The following CTPS1 variants were observed in gnomAD, a reference collection of about 807,000 sequenced individuals.
CTPS1 encodes CTP synthase 1, also known as CTP synthetase 1.
In CTPS1, 25 loss-of-function variants were observed where a neutral mutation model predicts 80.5. The observed-to-expected ratio is 0.31, with a 90% confidence interval of 0.23 to 0.43. The LOEUF (loss-of-function observed/expected upper bound fraction) is 0.43. CTPS1 is among the 20% of genes least tolerant of loss of function. The probability of loss-of-function intolerance (pLI) is 1.00; values close to 1 mark genes in which losing one functional copy is unlikely to be tolerated. For synonymous variants in CTPS1, 267 were observed against 252.5 expected, an observed-to-expected ratio of 1.06 and a Z score of -0.54; for missense variants, 442 against 725.7, an observed-to-expected ratio of 0.61 and a Z score of 4.49.
chr1:40,987,593 A>G (rs1043977933), intron 4 of CTPS1, 121 bp downstream of exon 4: 3 of 687,364 alleles, frequency 4.4e-6, no homozygotes, highest in African/African-American at 2.2e-5. Flanking sequence ...AGTATGTTGC[A>G]ATGTGGCAGG....
intron 3 of CTPS1, among the ~76,000 whole-genome samples, chr1:40,985,314 G>A (rs1020807430): frequency 4.6e-5 from 7 of 152,260 alleles, no homozygotes; most frequent in African/African-American, 9.6e-5. Flanking sequence ...AAGGCAACTC[G>A]ATTAGGGCAT....
chr1:40,987,273 A>C, intron 3 of CTPS1, 99 bp from the exon 4 acceptor site: 1 of 848,410 alleles, frequency 1.2e-6, no homozygotes, highest in South Asian at 1.5e-5. Flanking sequence ...TACTCTCTCC[A>C]GGCAAAGAGT....
chr1:40,996,155 G>T (rs563014709), intron 8 of CTPS1, 87 bp downstream of exon 8: 1 of 1,472,434 alleles, frequency 6.8e-7, no homozygotes, highest in East Asian at 2.3e-5. Context: ...TAGCACTTTT[G>T]TACTTTTGCA....
rs1007006870 is a variant in CTPS1, at chr1:41,011,795, C to G, written c.*147C>G. The stretch of plus-strand genomic sequence containing the variant: ...GCGGAAAGGTATTTGGGAAACTTGT[C>G]ACTTGCATGTCCCATCACGTGTACT... On this transcript the variant is annotated 3_prime_UTR_variant, in exon 19 of 19. Coordinates refer to ENST00000650070, the MANE Select transcript of CTPS1 (RefSeq NM_001905.4). 5.9e-5 allele frequency: 9 copies of G among 152,100 alleles called. No individual in the cohort carries two copies. The highest frequency in any genetic ancestry group is 1.9e-4 in the African/African-American group (8 of 41,410). 9.4% of individuals were successfully genotyped at this position (152,100 alleles called of 1,614,324 possible). A position where few individuals can be genotyped will look rare whatever the true frequency, so the allele number is the denominator to read the frequency against.
At chr1:41,001,153 C>G (rs1037688393) in intron 10 of CTPS1, 36 bp downstream of exon 10, 1 of 1,510,832 alleles carries the variant, frequency 6.6e-7, no homozygotes, top group Non-Finnish European at 9.0e-7. Context: ...TTCCAGAGTT[C>G]TTTTGGTTTG....
intron 2 of CTPS1, among the ~76,000 whole-genome samples, 167 bp from the exon 3 acceptor site, chr1:40,984,654 G>A (rs1245742961): frequency 6.6e-6 from 1 of 152,158 alleles, no homozygotes; most frequent in East Asian, 1.9e-4. Flanking sequence ...AGAATAGCTG[G>A]TAATTTTTCT....
intron 1 of CTPS1, chr1:40,982,060 A>C (rs1029633266): frequency 1.6e-6 from 2 of 1,217,288 alleles, no homozygotes; most frequent in Non-Finnish European, 2.2e-6. Flanking sequence ...TTGCTGACCA[A>C]ATGGACGATC....
At chr1:40,995,560 G>A (rs923151611) in intron 7 of CTPS1, among the ~76,000 whole-genome samples, 1 of 152,040 alleles carries the variant, frequency 6.6e-6, no homozygotes, top group Non-Finnish European at 1.5e-5. Flanking sequence ...ACCATGCCTG[G>A]CTAAATTTTG....
At chr1:40,988,382 C>T (rs1642513294) in intron 4 of CTPS1, 2 of 439,278 alleles carry the variant, frequency 4.6e-6, no homozygotes, top group South Asian at 4.2e-5. Flanking sequence ...CCATAATAAC[C>T]TTTGGGAAGG....
intron 5 of CTPS1, 75 bp downstream of exon 5, chr1:40,988,785 A>G: frequency 1.0e-6 from 1 of 977,522 alleles, no homozygotes; most frequent in East Asian, 2.4e-5. Context: ...AATGATTTTC[A>G]CTCATTGTCT....
At chr1:40,993,254 C>T (rs923263981) in intron 7 of CTPS1, among the ~76,000 whole-genome samples, 10 of 151,322 alleles carry the variant, frequency 6.6e-5, no homozygotes, top group Admixed American at 2.0e-4. Flanking sequence ...TTTTGCCATG[C>T]GGGCCAAGTT....
At chr1:40,983,607 A>G in intron 2 of CTPS1, 151 bp downstream of exon 2, 1 of 589,322 alleles carries the variant, frequency 1.7e-6, no homozygotes, top group East Asian at 3.0e-5. Context: ...CTAGAAAGGA[A>G]GAAGCAGAAT....
At chr1:40,997,564 A>T (rs1224507165) in intron 9 of CTPS1, 38 bp downstream of exon 9, 1 of 1,606,534 alleles carries the variant, frequency 6.2e-7, no homozygotes, top group Non-Finnish European at 8.5e-7. Flanking sequence ...AAGGATGAGC[A>T]GGGAAGCAGT....
In CTPS1 at chr1:41,007,568, C is replaced by G; in HGVS notation, c.1393+23C>G. On this transcript the variant is annotated intron_variant, in intron 14 of 18. Coordinates refer to ENST00000650070, the MANE Select transcript of CTPS1 (RefSeq NM_001905.4). This position sits in a 1 kb window ranked among gnomAD's most constrained non-coding sequence, Gnocchi z 4.4. ...TGAGTAAGAGCTGCCTCACGCTGGCCCAGCCTTTGGCTCTGCGTGCCCAGG... is the reference window on the plus strand; with the variant it reads ...TGAGTAAGAGCTGCCTCACGCTGGCGCAGCCTTTGGCTCTGCGTGCCCAGG... The G allele has an allele frequency of 6.2e-7, 1 of 1,605,130 alleles. No homozygotes were observed. The highest frequency in any genetic ancestry group is 8.5e-7 in the Non-Finnish European group (1 of 1,172,618).
intron 9 of CTPS1, among the ~76,000 whole-genome samples, chr1:40,999,748 A>G (rs1447339593): frequency 6.6e-6 from 1 of 152,256 alleles, no homozygotes; most frequent in Non-Finnish European, 1.5e-5. Flanking sequence ...TGGACAAATT[A>G]TTCGTAATAG....
intron 1 of CTPS1, 90 bp downstream of exon 1, chr1:40,979,919 C>T (rs1312582969): frequency 6.6e-6 from 1 of 152,258 alleles, no homozygotes; most frequent in Non-Finnish European, 1.5e-5. Context: ...ATAGCCCCGC[C>T]GCCGCGGTGA....
At position 41,003,260 on chromosome 1, in the gene CTPS1, G is replaced by C. The variant is rs1444483932; in HGVS notation, c.1252+84G>C. 2.7e-6 allele frequency: 4 copies of C among 1,477,802 alleles called. No individual in the cohort carries two copies. In the African/African-American group the frequency reaches 5.5e-5, roughly 20 times the overall value. The allele number at this position is 1,477,802 out of a possible 1,614,324, so 91.5% of individuals were successfully genotyped here. ...GGCCTGTTGCCGCCTGGGTGATCAG[G>C]AGCTTTGGAGAAGGGCAGGCCTGGG... On this transcript the variant is annotated intron_variant, in intron 12 of 18. Coordinates refer to ENST00000650070, the MANE Select transcript of CTPS1 (RefSeq NM_001905.4).
intron 14 of CTPS1, 78 bp from the exon 15 acceptor site, chr1:41,008,581 G>T: frequency 1.4e-6 from 2 of 1,472,558 alleles, no homozygotes; most frequent in Non-Finnish European, 9.5e-7. Context: ...GAAAAGTAAA[G>T]CAGGAAGGAG....
Position 41,001,086 on chromosome 1 carries a change from C to T in CTPS1, c.1063C>T (p.His355Tyr). 1 of 1,612,450 alleles carries T rather than the reference C, an allele frequency of 6.2e-7. No individual in the cohort carries two copies. Among genetic ancestry groups the T allele is most frequent in the Non-Finnish European group, 8.5e-7 (1 of 1,179,464 alleles). The part of the protein sequence containing the change: ...ITSQEEPVRY[H>Y]EAWQKLCSAH... ...CTCGCAAGAAGAGCCCGTGCGCTAC[C>T]ACGAAGCTTGGCAGAAGCTCTGTAG... The change falls in exon 10 of 19, where the codon CAC (histidine) becomes TAC (tyrosine). Residue 355 changes from histidine (H) to tyrosine (Y), a missense_variant. His to Tyr is a moderately conservative substitution (Grantham distance 83). This residue lies in a region of CTPS1 where 321 missense variants were observed against 467.2 expected (regional missense o/e 0.69). Transcript: ENST00000650070.
Sources: allele counts gnomAD v4.1 joint callset (sites outside exome capture counted in the v4.1 genomes callset), GRCh38; gene constraint gnomAD v4.1.1; regional missense constraint gnomAD v4.1.1; non-coding constraint Gnocchi (gnomAD v3.1); transcripts MANE v1.5; gene names NCBI Gene and HGNC (gene_info 2026-07-23, HGNC 2026-07-21).